TNS1: variants seen among roughly 807,000 people sequenced by gnomAD.
The protein encoded by TNS1 is tensin-1.
A neutral mutation model predicts 168.6 loss-of-function variants in TNS1; 62 were observed. The ratio of observed to expected loss-of-function variants is 0.37; its 90% CI spans 0.30 to 0.45. The LOEUF (loss-of-function observed/expected upper bound fraction) is 0.45, where lower values mean the gene tolerates loss of function less well. Ranked by LOEUF, TNS1 falls within the 20% of genes least tolerant of loss-of-function variation. TNS1 has a pLI of 1.00. For synonymous variants in TNS1, 934 were observed against 933.2 expected (o/e 1.00, Z -0.02); for missense variants, 2,240 against 2,339.4 (o/e 0.96, Z 0.88).
chr2:217,893,702 C>T lies in TNS1; in HGVS notation c.595-141G>A, dbSNP rs767903950. 7.3e-6 allele frequency: 9 copies of T among 1,232,994 alleles called. No individual in the cohort carries two copies. In the East Asian group the frequency reaches 1.7e-4, roughly 23 times the overall value. 76.4% of individuals were successfully genotyped at this position (1,232,994 alleles called of 1,614,324 possible). On this transcript the variant is annotated intron_variant, in intron 9 of 32. Coordinates refer to ENST00000682258, the MANE Select transcript of TNS1 (RefSeq NM_001387777.1). ...CCTGCCAGGACTTGGTTCCTCCCTG[C>T]CCACTGGCCAGCGAGGAGGCAGGGG... is the stretch of plus-strand genomic sequence containing the variant.
chr2:218,032,020 C>T lies in TNS1; in HGVS notation c.156+1800G>A, dbSNP rs180696992. On this transcript the variant is annotated intron_variant, in intron 1 of 1. Transcript: ENST00000649572. The surrounding 1 kb of genome is among the most constrained non-coding windows in gnomAD (Gnocchi z 4.0). ...TGGCACCCGGAGATGCCCGCCAGGCCCCTTGGCACCCAGAAGGCTTGGCTG... is the reference window on the plus strand; with the variant it reads ...TGGCACCCGGAGATGCCCGCCAGGCTCCTTGGCACCCAGAAGGCTTGGCTG... 1.3e-4 allele frequency among the ~76,000 whole-genome samples: 20 copies of T among 152,356 alleles called. No individual in the cohort carries two copies. The East Asian group carries it at 3.7e-3, about 28-fold the overall frequency.
rs113534892 is a variant in TNS1 at position 217,850,930 on chromosome 2, A to G, written c.1430-1843T>C. ...ACACTTCGCCAGGCACTCTACACGC[A>G]CATCCTCTCTAGCCATCGCCTCCGA... On this transcript the variant is annotated intron_variant, in intron 18 of 32. Coordinates refer to ENST00000682258, the MANE Select transcript of TNS1 (RefSeq NM_001387777.1). Among the ~76,000 whole-genome samples the G allele has an allele frequency of 9.6e-3, 1,468 of 152,252 alleles. 23 individuals are homozygous for G. The highest frequency in any genetic ancestry group is 0.033 in the African/African-American group (1,361 of 41,540).
At chr2:217,895,452 A>G (rs1952195605) in intron 8 of TNS1, among the ~76,000 whole-genome samples, 1 of 152,242 alleles carries the variant, frequency 6.6e-6, no homozygotes, top group Admixed American at 6.5e-5. Context: ...CGAATGGAAG[A>G]CGAGAAGGGG....
At chr2:217,905,190 C>CA (rs1384805897) in intron 6 of TNS1, 3 of 259,106 alleles carry the variant, frequency 1.2e-5, no homozygotes, top group Non-Finnish European at 2.4e-5. Flanking sequence ...TAGGTACACA[C>CA]AAAAAATTAG....
At chr2:218,007,975 C>T (rs1958675021), upstream of TNS1, among the ~76,000 whole-genome samples, 1 of 152,178 alleles carries the variant, frequency 6.6e-6, no homozygotes, top group Non-Finnish European at 1.5e-5. Context: ...CCTCCACATC[C>T]AGCACTCCTC....
chr2:217,989,714 A>G (rs1483924117), intron 2 of TNS1, among the ~76,000 whole-genome samples: 1 of 152,014 alleles, frequency 6.6e-6, no homozygotes, highest in Admixed American at 6.5e-5. Context: ...GGGCCTCTTA[A>G]AGTTGCCTCT....
intron 3 of TNS1, among the ~76,000 whole-genome samples, chr2:217,934,563 G>A (rs1956502862): frequency 6.6e-6 from 1 of 152,204 alleles, no homozygotes; most frequent in African/African-American, 2.4e-5. Flanking sequence ...GCCAAGGCAG[G>A]CAGCAGATCT....
rs1287918285 is a variant in TNS1 at position 217,848,223 on chromosome 2, C to T, written c.2294G>A (p.Arg765Gln). 9.5e-6 allele frequency: 15 copies of T among 1,581,906 alleles called. No homozygotes were observed. The highest frequency in any genetic ancestry group is 8.1e-5 in the African/African-American group (6 of 73,984). Residue 765 changes from arginine (R) to glutamine (Q), a missense_variant, in exon 19 of 33, where the codon CGG (arginine) becomes CAG (glutamine). By Grantham distance (43) the Arg-to-Gln change is conservative. Transcript: ENST00000682258. ...PPAPVRGGSS[R>Q]EAVQRGLNSW... is the part of the protein sequence containing the mutation. The stretch of plus-strand genomic sequence containing the variant: ...ATTCAGTCCCCTTTGCACAGCCTCC[C>T]GGCTGCTTCCCCCTCGGACCGGAGC...
At chr2:217,908,733 G>T (rs560844244) in intron 4 of TNS1, among the ~76,000 whole-genome samples, 323 of 152,276 alleles carry the variant, frequency 2.1e-3, no homozygotes, top group Non-Finnish European at 3.9e-3. Context: ...CTACTCTCCA[G>T]GGGATGAAAC....
intron 2 of TNS1, chr2:217,979,030 G>A: frequency 2.0e-6 from 1 of 504,818 alleles, no homozygotes. Flanking sequence ...GGGAGGCAGG[G>A]GGCTCCCAGA....
intron 3 of TNS1, among the ~76,000 whole-genome samples, chr2:217,949,151 G>A (rs765813181): frequency 3.9e-5 from 6 of 152,270 alleles, no homozygotes; most frequent in East Asian, 1.9e-4. Flanking sequence ...AGCCTCCAAC[G>A]CCCTTGGTGA....
intron 1 of TNS1, among the ~76,000 whole-genome samples, chr2:218,025,255 A>G (rs755443752): frequency 2.6e-5 from 4 of 152,010 alleles, no homozygotes; most frequent in South Asian, 2.1e-4. Flanking sequence ...TATTTATTTT[A>G]TTTTATTTTT....
Position 217,878,313 on chromosome 2 carries a change from G to A in TNS1, c.1429+2585C>T, listed in dbSNP as rs181534724. Among the ~76,000 whole-genome samples, 5 of 152,272 alleles carry A rather than the reference G, an allele frequency of 3.3e-5. No individual in the cohort carries two copies. The East Asian group carries it at 9.7e-4, about 29-fold the overall frequency. ...GCCAGAGAGGTACTAGGCTTAGTGG[G>A]ACCCAGGTACTGCCACAAAACCAGA... is the stretch of plus-strand genomic sequence containing the variant. On this transcript the variant is annotated intron_variant, in intron 18 of 32. Coordinates refer to ENST00000682258, the MANE Select transcript of TNS1 (RefSeq NM_001387777.1).
Position 217,912,362 on chromosome 2 carries a change from G to A in TNS1, c.229-5111C>T, listed in dbSNP as rs141586831. Among the ~76,000 whole-genome samples, 1,464 of 152,318 alleles carry A rather than the reference G, an allele frequency of 9.6e-3. 21 individuals are homozygous for A. The highest frequency in any genetic ancestry group is 0.034 in the African/African-American group (1,401 of 41,576). On this transcript the variant is annotated intron_variant, in intron 4 of 32. Transcript: ENST00000682258. Reference sequence around the variant, plus strand: ...GGCTCAGCCTCCGGAGGAACATTCCGTCCGGAAATTCCTTACACCCTGCCC... The same window carrying A: ...GGCTCAGCCTCCGGAGGAACATTCCATCCGGAAATTCCTTACACCCTGCCC...
At chr2:217,941,084 T>C (rs561064784) in intron 3 of TNS1, among the ~76,000 whole-genome samples, 6 of 152,290 alleles carry the variant, frequency 3.9e-5, no homozygotes, top group Admixed American at 2.0e-4. Context: ...TATTTACAAA[T>C]GTGGAAACTG....
chr2:218,023,450 T>C (rs1180674857), intron 1 of TNS1, among the ~76,000 whole-genome samples: 1 of 152,212 alleles, frequency 6.6e-6, no homozygotes, highest in African/African-American at 2.4e-5. Context: ...CTAACTGCCT[T>C]CTGGCCTGCC....
At chr2:217,929,703 C>T (rs950072459) in intron 3 of TNS1, among the ~76,000 whole-genome samples, 4 of 149,976 alleles carry the variant, frequency 2.7e-5, no homozygotes, top group African/African-American at 4.9e-5. Flanking sequence ...CTCCACCCCC[C>T]ACCCGCCCCG....
In TNS1 at chr2:218,033,411, C is replaced by T. The variant is rs1958916725; in HGVS notation, c.156+409G>A. ...CTTGCTCCAGTGGGGCCCCCACCCT[C>T]CTAACTCCAGAGTCCTCCTAAATGA... On this transcript the variant is annotated intron_variant, in intron 1 of 1. Coordinates refer to the TNS1 transcript ENST00000649572. This position sits in a 1 kb window ranked among gnomAD's most constrained non-coding sequence, Gnocchi z 4.3. Among the ~76,000 whole-genome samples, 1 of 152,166 alleles carries T rather than the reference C, an allele frequency of 6.6e-6. No individual in the cohort carries two copies. The highest frequency in any genetic ancestry group is 1.5e-5 in the Non-Finnish European group (1 of 68,014).
chr2:217,829,904 G>A lies in TNS1; in HGVS notation c.3373+1551C>T, dbSNP rs747442667. The A allele has an allele frequency of 2.5e-6, 4 of 1,613,288 alleles. No individual in the cohort carries two copies. The South Asian group carries it at 3.3e-5, about 13-fold the overall frequency. The stretch of plus-strand genomic sequence containing the variant: ...TCCTCTGAGGGAAGACGAGAAGAGA[G>A]GTGGGAGGAAGGAGAGGCAGGAAAG... On this transcript the variant is annotated intron_variant, in intron 22 of 32. Transcript: ENST00000682258.
Sources: allele counts gnomAD v4.1 joint callset (sites outside exome capture counted in the v4.1 genomes callset), GRCh38; gene constraint gnomAD v4.1.1; non-coding constraint Gnocchi (gnomAD v3.1); transcripts MANE v1.5; gene names NCBI Gene and HGNC (gene_info 2026-07-23, HGNC 2026-07-21).